RANBP2: variants seen among roughly 807,000 people sequenced by gnomAD.
The protein encoded by RANBP2 is E3 SUMO-protein ligase RanBP2.
A neutral mutation model predicts 303.6 loss-of-function variants in RANBP2; 57 were observed. That is an observed-to-expected ratio of 0.19 (90% CI 0.15 to 0.23). The LOEUF is 0.23. Among genes scored for constraint, RANBP2 ranks in the 10% least tolerant of loss-of-function variants. The pLI is 1.00. For missense variants in RANBP2, 3,138 were observed against 3,780.8 expected, an observed-to-expected ratio of 0.83 and a Z score of 4.46; for synonymous variants, 1,167 against 1,301.5, an observed-to-expected ratio of 0.90 and a Z score of 2.23.
At chr2:108,755,860 A>AT (rs1026614863) in intron 17 of RANBP2, among the ~76,000 whole-genome samples, 1 of 146,858 alleles carries the variant, frequency 6.8e-6, no homozygotes, top group Admixed American at 6.8e-5. Context: ...AGTAGCTGGG[A>AT]TTACAGGCAC....
the RANBP2 span, among the ~76,000 whole-genome samples, chr2:109,569,716 A>G: frequency 6.6e-6 from 1 of 152,212 alleles, no homozygotes; most frequent in African/African-American, 2.4e-5. Context: ...AATTATGCCA[A>G]GTTAATAACT....
At chr2:109,268,363 T>C in the RANBP2 span, among the ~76,000 whole-genome samples, 2 of 151,878 alleles carry the variant, frequency 1.3e-5, no homozygotes, top group South Asian at 2.1e-4. Flanking sequence ...GGACCCTTAG[T>C]GGGGATGTCC....
the RANBP2 span, among the ~76,000 whole-genome samples, chr2:108,817,199 A>C: frequency 6.6e-6 from 1 of 152,180 alleles, no homozygotes; most frequent in African/African-American, 2.4e-5. Flanking sequence ...TTTAAACCAG[A>C]AGGATTCAGA....
the RANBP2 span, among the ~76,000 whole-genome samples, chr2:109,524,474 A>AAAAAG: frequency 7.0e-6 from 1 of 142,000 alleles, no homozygotes; most frequent in African/African-American, 2.7e-5. Context: ...AAACAAAACA[A>AAAAAG]CACTGGGCGC....
chr2:109,032,314 C>A, the RANBP2 span, among the ~76,000 whole-genome samples: 1 of 152,134 alleles, frequency 6.6e-6, no homozygotes, highest in African/African-American at 2.4e-5. Context: ...CTCCCCACCC[C>A]CTCTTTGTTT....
At chr2:109,677,263 T>A in the RANBP2 span, among the ~76,000 whole-genome samples, 1 of 152,120 alleles carries the variant, frequency 6.6e-6, no homozygotes, top group Non-Finnish European at 1.5e-5. Context: ...CAGACCTGGA[T>A]AGGACCCATT....
chr2:108,933,406 G>A, the RANBP2 span, among the ~76,000 whole-genome samples: 7 of 152,138 alleles, frequency 4.6e-5, no homozygotes, highest in African/African-American at 1.7e-4. Flanking sequence ...AGAATAGGTG[G>A]GAGAAGGGGG....
At chr2:109,640,658 C>T in the RANBP2 span, among the ~76,000 whole-genome samples, 1 of 152,112 alleles carries the variant, frequency 6.6e-6, no homozygotes, top group Non-Finnish European at 1.5e-5. Flanking sequence ...GTTCTCAGCT[C>T]CGGACAGTGC....
At chr2:108,871,547 A>C in the RANBP2 span, among the ~76,000 whole-genome samples, 2 of 152,054 alleles carry the variant, frequency 1.3e-5, no homozygotes, top group African/African-American at 2.4e-5. Context: ...GCAAGACTTT[A>C]GCTCCAAAAA....
the RANBP2 span, among the ~76,000 whole-genome samples, chr2:109,294,239 C>G: frequency 6.6e-6 from 1 of 152,086 alleles, no homozygotes; most frequent in African/African-American, 2.4e-5. Flanking sequence ...ACATGGGGAG[C>G]TGCTCTGAAG....
At chr2:109,024,865 A>G in the RANBP2 span, among the ~76,000 whole-genome samples, 1 of 152,348 alleles carries the variant, frequency 6.6e-6, no homozygotes, top group African/African-American at 2.4e-5. Flanking sequence ...AACTATATAT[A>G]TAGCATATAA....
the RANBP2 span, chr2:109,449,567 G>C: frequency 6.6e-7 from 1 of 1,504,832 alleles, no homozygotes; most frequent in Non-Finnish European, 8.9e-7. Flanking sequence ...GATGGCAGTG[G>C]CATTTGTGCA....
At chr2:108,974,610 A>G in the RANBP2 span, among the ~76,000 whole-genome samples, 2 of 150,622 alleles carry the variant, frequency 1.3e-5, no homozygotes, top group Admixed American at 6.6e-5. Flanking sequence ...TGTGCCTGTA[A>G]TCCCAGCTAC....
At chr2:109,633,390 CT>C in the RANBP2 span, among the ~76,000 whole-genome samples, 1 of 146,656 alleles carries the variant, frequency 6.8e-6, no homozygotes, top group African/African-American at 2.5e-5. Flanking sequence ...GAGACTCCAT[CT>C]CAAAAAACAA....
the RANBP2 span, among the ~76,000 whole-genome samples, chr2:109,349,008 T>C: frequency 6.6e-6 from 1 of 152,226 alleles, no homozygotes; most frequent in East Asian, 1.9e-4. Context: ...TGTGTCTCTC[T>C]GTGTCAGTAT....
At chr2:109,203,354 A>T in the RANBP2 span, among the ~76,000 whole-genome samples, 1 of 152,192 alleles carries the variant, frequency 6.6e-6, no homozygotes, top group Non-Finnish European at 1.5e-5. Context: ...GCTAGTCCTT[A>T]TGCTGCCCTG....
At chr2:109,567,973 T>G in the RANBP2 span, 1 of 1,589,276 alleles carries the variant, frequency 6.3e-7, no homozygotes, top group Non-Finnish European at 8.5e-7. Context: ...GGTATAATGT[T>G]TACCTATTAA....
chr2:109,082,547 C>A, the RANBP2 span, among the ~76,000 whole-genome samples: 1 of 152,078 alleles, frequency 6.6e-6, no homozygotes, highest in African/African-American at 2.4e-5. Flanking sequence ...GATCCACCTG[C>A]CTTGGCCTCC....
At chr2:109,440,326 C>G in the RANBP2 span, among the ~76,000 whole-genome samples, 4 of 152,102 alleles carry the variant, frequency 2.6e-5, no homozygotes, top group Admixed American at 1.3e-4. Context: ...GGCCAGGGGC[C>G]CATGGACGCT....
Sources: gnomAD v4.1 joint callset for allele counts (sites outside exome capture counted in the v4.1 genomes callset) on GRCh38, gnomAD v4.1.1 for gene constraint, MANE v1.5 for transcripts, NCBI Gene and HGNC (gene_info 2026-07-23, HGNC 2026-07-21) for gene names.